The following MTR variants were observed in gnomAD, a reference collection of about 807,000 sequenced individuals.
MTR encodes the protein 5-methyltetrahydrofolate-homocysteine methyltransferase.
A neutral mutation model predicts 154.8 loss-of-function variants in MTR; 84 were observed. The ratio of observed to expected loss-of-function variants is 0.54; its 90% confidence interval spans 0.45 to 0.65. The LOEUF (loss-of-function observed/expected upper bound fraction) is 0.65. Among genes scored for constraint, MTR ranks in the 30% least tolerant of loss-of-function variants. The pLI is 0.00. For missense variants in MTR, 1,275 were observed against 1,570.2 expected, an observed-to-expected ratio of 0.81 and a Z score of 3.18; for synonymous variants, 554 against 553.9, an observed-to-expected ratio of 1.00 and a Z score of 0.00.
intron 4 of MTR, 144 bp from the exon 5 acceptor site, chr1:236,810,359 G>T: frequency 1.4e-6 from 1 of 713,306 alleles, no homozygotes; most frequent in South Asian, 1.5e-5. Context: ...AAAAAGTTTG[G>T]GCTTTTAGAG....
intron 9 of MTR, among the ~76,000 whole-genome samples, chr1:236,825,059 G>A (rs1662199448): frequency 6.6e-6 from 1 of 151,358 alleles, no homozygotes; most frequent in South Asian, 2.1e-4. Flanking sequence ...AAGGGGTGGG[G>A]TTGGGGGTAT....
intron 32 of MTR, among the ~76,000 whole-genome samples, 194 bp downstream of exon 32, chr1:236,897,312 A>ACGCGCG (rs1034067394): frequency 3.0e-3 from 196 of 66,240 alleles, no homozygotes; most frequent in African/African-American, 9.7e-3. Flanking sequence ...ACACACACGC[A>ACGCGCG]CACACACACA....
chr1:236,884,543 A>G (rs981146622), intron 25 of MTR, among the ~76,000 whole-genome samples: 8 of 152,204 alleles, frequency 5.3e-5, no homozygotes, highest in African/African-American at 1.7e-4. Context: ...AGGAGAGACC[A>G]GGTACAGGCT....
At chr1:236,830,726 C>T (rs1441070027) in intron 12 of MTR, among the ~76,000 whole-genome samples, 1 of 152,118 alleles carries the variant, frequency 6.6e-6, no homozygotes, top group Non-Finnish European at 1.5e-5. Context: ...CAGGGTCAGA[C>T]TAGGATCGGG....
chr1:236,850,092 CAA>C (rs1663810263), intron 15 of MTR, among the ~76,000 whole-genome samples: 2 of 152,186 alleles, frequency 1.3e-5, no homozygotes, highest in African/African-American at 2.4e-5. Context: ...TGTGAAAACA[CAA>C]AGAGATCTTT....
intron 8 of MTR, among the ~76,000 whole-genome samples, chr1:236,821,679 ATT>A (rs1330527411): frequency 2.0e-5 from 3 of 152,156 alleles, no homozygotes; most frequent in African/African-American, 7.2e-5. Flanking sequence ...TATTTACAAA[ATT>A]TTAATCGTTT....
intron 6 of MTR, among the ~76,000 whole-genome samples, chr1:236,813,376 T>C (rs1057338595): frequency 6.6e-6 from 1 of 152,230 alleles, no homozygotes; most frequent in African/African-American, 2.4e-5. Context: ...ACAGTGTATC[T>C]GTAGGATACA....
At chr1:236,806,276 G>A (rs759888518) in intron 3 of MTR, 43 bp downstream of exon 3, 39 of 1,505,984 alleles carry the variant, frequency 2.6e-5, no homozygotes, top group Admixed American at 1.0e-4. Context: ...GCTTACGAGC[G>A]TTTGCTGCAT....
intron 1 of MTR, among the ~76,000 whole-genome samples, chr1:236,798,009 A>C (rs1176021694): frequency 6.6e-6 from 1 of 152,072 alleles, no homozygotes; most frequent in Non-Finnish European, 1.5e-5. Flanking sequence ...AAGTGTAGCA[A>C]GTCTGTGCAA....
At chr1:236,806,644 T>C (rs1661001420) in intron 3 of MTR, among the ~76,000 whole-genome samples, 1 of 152,330 alleles carries the variant, frequency 6.6e-6, no homozygotes, top group South Asian at 2.1e-4. Context: ...TGGCATTAAG[T>C]ACATTCACAG....
At chr1:236,823,487 A>C (rs933831472) in intron 8 of MTR, among the ~76,000 whole-genome samples, 6 of 152,208 alleles carry the variant, frequency 3.9e-5, no homozygotes, top group Admixed American at 6.5e-5. Context: ...TCTGTTTTCT[A>C]TTCAAGGATC....
At position 236,852,935 on chromosome 1, in the gene MTR, G is replaced by T. The variant is rs539787735; in HGVS notation, c.1813-13G>T. The T allele has an allele frequency of 6.2e-7, 1 of 1,613,760 alleles. No individual in the cohort carries two copies. Among genetic ancestry groups the T allele is most frequent in the African/African-American group, 1.3e-5 (1 of 74,978 alleles). On this transcript the variant is annotated splice_polypyrimidine_tract_variant and intron_variant, in intron 17 of 32. Transcript: ENST00000366577. ...TCACTGTAAATTCTCATTTTTATTT[G>T]TATTGCCCTTAGTCTGGCATGGACA...
Position 236,841,116 on chromosome 1 carries a change from G to A in MTR, c.1515+2517G>A, listed in dbSNP as rs557498991. On this transcript the variant is annotated intron_variant, in intron 15 of 32. Transcript: ENST00000366577. Reference sequence around the variant, plus strand: ...TCAGCTTTTTAAGCTGATTCTTGTAGCATCTACCTCTTTATCTTCAAATTC... The same window carrying A: ...TCAGCTTTTTAAGCTGATTCTTGTAACATCTACCTCTTTATCTTCAAATTC... Among the ~76,000 whole-genome samples the A allele has an allele frequency of 3.9e-5, 6 of 152,228 alleles. No homozygotes were observed. The South Asian group carries it at 8.3e-4, about 21-fold the overall frequency.
chr1:236,895,209 T>A, intron 30 of MTR, 149 bp from the exon 31 acceptor site: 1 of 906,170 alleles, frequency 1.1e-6, no homozygotes, highest in Non-Finnish European at 1.8e-6. Flanking sequence ...CAATCAAGAA[T>A]CCAGCCTGTT....
At chr1:236,897,245 C>G (rs1351915769) in intron 32 of MTR, 127 bp downstream of exon 32, 1 of 805,148 alleles carries the variant, frequency 1.2e-6, no homozygotes, top group Non-Finnish European at 2.1e-6. Context: ...CAGTTAATGT[C>G]TTAATTTGAT....
intron 8 of MTR, among the ~76,000 whole-genome samples, chr1:236,823,768 T>C (rs975305458): frequency 4.0e-5 from 6 of 150,014 alleles, no homozygotes; most frequent in African/African-American, 1.5e-4. Context: ...CCTTTTCCTT[T>C]CTTTTAAATT....
At chr1:236,884,823 GGCCCAGGGT>G (rs1406730932) in intron 25 of MTR, among the ~76,000 whole-genome samples, 3 of 152,130 alleles carry the variant, frequency 2.0e-5, no homozygotes, top group African/African-American at 7.2e-5. Context: ...GATGTGACGT[GGCCCAGGGT>G]GCCAGGTATA....
At chr1:236,839,392 G>T (rs61831819) in intron 15 of MTR, among the ~76,000 whole-genome samples, 2 of 151,460 alleles carry the variant, frequency 1.3e-5, no homozygotes, top group African/African-American at 2.4e-5. Context: ...TATATAAAAA[G>T]AACAAATAGC....
chr1:236,854,615 G>T (rs1664097593), intron 18 of MTR, among the ~76,000 whole-genome samples: 1 of 152,292 alleles, frequency 6.6e-6, no homozygotes, highest in African/African-American at 2.4e-5. Context: ...CTATTGCCAT[G>T]AAGTCATACT....
Sources: gnomAD v4.1 joint callset for allele counts (sites outside exome capture counted in the v4.1 genomes callset) on GRCh38, gnomAD v4.1.1 for gene constraint, MANE v1.5 for transcripts, NCBI Gene and HGNC (gene_info 2026-07-23, HGNC 2026-07-21) for gene names.